PRMT8: variants seen among roughly 807,000 people sequenced by gnomAD.
PRMT8 encodes the protein protein arginine N-methyltransferase 8.
In PRMT8, 7 loss-of-function variants were observed where a neutral mutation model predicts 47.1. The observed-to-expected ratio is 0.15, with a 90% CI of 0.08 to 0.28. The LOEUF is 0.28. Among genes scored for constraint, PRMT8 ranks in the 10% least tolerant of loss-of-function variants. PRMT8 has a pLI of 1.00. For missense variants in PRMT8, 237 were observed against 505.4 expected (o/e 0.47, Z 5.09); for synonymous variants, 188 against 186.5 (o/e 1.01, Z -0.07).
intron 3 of PRMT8, chr12:3,551,248 GC>G (rs1438399113): frequency 2.0e-5 from 3 of 152,278 alleles, no homozygotes; most frequent in East Asian, 3.9e-4. Context: ...GGAAGCTTGG[GC>G]TGCCCTCAAG....
In PRMT8 at chr12:3,569,024, G is replaced by A. The variant is rs1044267270; in HGVS notation, c.624+176G>A. Among the ~76,000 whole-genome samples the A allele has an allele frequency of 5.9e-5, 9 of 152,082 alleles. No individual in the cohort carries two copies. The highest frequency in any genetic ancestry group is 1.9e-4 in the East Asian group (1 of 5,190). ...TATCAGGGAACAGAATGGTTGCCCC[G>A]GGTCCAGCATGTGTAACCATCAGAG... On this transcript the variant is annotated intron_variant, in intron 5 of 9. Transcript: ENST00000382622. The surrounding 1 kb of genome is among the most constrained non-coding windows in gnomAD (Gnocchi z 8.2).
At chr12:3,428,357 C>T (rs1349669600) in intron 1 of PRMT8, among the ~76,000 whole-genome samples, 2 of 151,572 alleles carry the variant, frequency 1.3e-5, no homozygotes, top group Admixed American at 1.3e-4. Context: ...AACTGGTGAG[C>T]TGTGCTGACA....
At chr12:3,452,353 C>T (rs558180583) in intron 1 of PRMT8, among the ~76,000 whole-genome samples, 1 of 152,124 alleles carries the variant, frequency 6.6e-6, no homozygotes, top group South Asian at 2.1e-4. Context: ...ACACACACCC[C>T]ACAAGGAGAC....
At chr12:3,473,253 GGCTGAAATCCCT>G (rs1409604557) in intron 1 of PRMT8, among the ~76,000 whole-genome samples, 2 of 151,904 alleles carry the variant, frequency 1.3e-5, no homozygotes, top group African/African-American at 4.8e-5. Flanking sequence ...CAACCCCTTG[GGCTGAAATCCCT>G]GCTGACCTTT....
chr12:3,460,178 G>A (rs1251233872), intron 1 of PRMT8, among the ~76,000 whole-genome samples: 1 of 152,144 alleles, frequency 6.6e-6, no homozygotes, highest in Non-Finnish European at 1.5e-5. Flanking sequence ...GCTTACCCCA[G>A]TTCTCAGACC....
chr12:3,488,790 T>C (rs114211182), upstream of PRMT8, among the ~76,000 whole-genome samples: 1,211 of 152,342 alleles, frequency 7.9e-3, 14 homozygotes, highest in African/African-American at 0.027. Flanking sequence ...AAAATAGTTC[T>C]ACAAAGTACC....
intron 1 of PRMT8, among the ~76,000 whole-genome samples, chr12:3,434,620 C>T (rs56102196): frequency 0.016 from 2,380 of 152,198 alleles, 37 homozygotes; most frequent in Middle Eastern, 0.02. Flanking sequence ...CAGAAGGAGC[C>T]CCCCAGAAAA....
chr12:3,565,081 C>T (rs1307449881), intron 4 of PRMT8, among the ~76,000 whole-genome samples: 1 of 152,072 alleles, frequency 6.6e-6, no homozygotes, highest in African/African-American at 2.4e-5. Flanking sequence ...ATAAAAGGAC[C>T]CAGGAAGTGT....
intron 1 of PRMT8, among the ~76,000 whole-genome samples, chr12:3,395,799 G>A (rs1255370684): frequency 3.3e-5 from 5 of 151,782 alleles, no homozygotes; most frequent in African/African-American, 1.2e-4. Context: ...TCTGTCTAAT[G>A]TTGACAGTGG....
intron 1 of PRMT8, among the ~76,000 whole-genome samples, chr12:3,520,044 G>A (rs750934437): frequency 4.6e-5 from 7 of 152,122 alleles, no homozygotes; most frequent in East Asian, 1.9e-4. Flanking sequence ...AAAGTCTGCC[G>A]AGACGCTTTG....
In PRMT8 at chr12:3,569,379, G is replaced by C; in HGVS notation, c.625-98G>C. On this transcript the variant is annotated intron_variant, in intron 5 of 9. Transcript: ENST00000382622. This position sits in a 1 kb window ranked among gnomAD's most constrained non-coding sequence, Gnocchi z 8.2. ...TCCACTGCATGAGAGATGGTGGCAA[G>C]GGGGTGCTTGTCTGGTGACTCTATG... 2.0e-6 allele frequency: 2 copies of C among 983,472 alleles called. No homozygotes were observed. Among genetic ancestry groups the C allele is most frequent in the South Asian group, 1.3e-5 (1 of 76,680 alleles). The allele number at this position is 983,472 out of a possible 1,614,324, so 60.9% of individuals were successfully genotyped here.
intron 1 of PRMT8, among the ~76,000 whole-genome samples, chr12:3,382,897 T>C (rs998032379): frequency 6.6e-5 from 10 of 152,312 alleles, no homozygotes; most frequent in Non-Finnish European, 1.0e-4. Context: ...CATGTAGGAC[T>C]TAGGGGAAGG....
rs562286343 is a variant in PRMT8 at position 3,506,180 on chromosome 12, C to A, written c.75+14480C>A. 4.6e-5 allele frequency among the ~76,000 whole-genome samples: 7 copies of A among 152,322 alleles called. No homozygotes were observed. In the South Asian group the frequency reaches 1.5e-3, roughly 32 times the overall value. ...ACTGCAGTTATCTGTGTGTGGGATT[C>A]ATCCTCTATGATATGTATGGGTAGT... On this transcript the variant is annotated intron_variant, in intron 1 of 9. Coordinates refer to ENST00000382622, the MANE Select transcript of PRMT8 (RefSeq NM_019854.5).
intron 3 of PRMT8, chr12:3,551,226 C>G (rs80208533): frequency 6.6e-6 from 1 of 152,244 alleles, no homozygotes; most frequent in Non-Finnish European, 1.5e-5. Flanking sequence ...CCATGGCTGC[C>G]GAGGGTCTTC....
At chr12:3,539,128 A>G (rs1185075566) in intron 1 of PRMT8, among the ~76,000 whole-genome samples, 1 of 152,218 alleles carries the variant, frequency 6.6e-6, no homozygotes, top group Non-Finnish European at 1.5e-5. Flanking sequence ...CAGCTCACAG[A>G]CAAGAAAATC....
At chr12:3,401,169 AGAT>A (rs1864312424) in intron 1 of PRMT8, among the ~76,000 whole-genome samples, 3 of 150,282 alleles carry the variant, frequency 2.0e-5, no homozygotes, top group Non-Finnish European at 3.0e-5. Context: ...AAAAAAAAAA[AGAT>A]AGGCAAATCA....
intron 1 of PRMT8, among the ~76,000 whole-genome samples, chr12:3,413,346 C>T (rs1864451357): frequency 6.6e-6 from 1 of 152,194 alleles, no homozygotes; most frequent in African/African-American, 2.4e-5. Flanking sequence ...GAGGCCTCCC[C>T]AGCCATGTGG....
chr12:3,449,501 T>C (rs914985983), intron 1 of PRMT8, among the ~76,000 whole-genome samples: 3 of 152,362 alleles, frequency 2.0e-5, no homozygotes, highest in Admixed American at 6.5e-5. Context: ...TGTTGAGCTT[T>C]TTTTCATATG....
chr12:3,485,112 G>A (rs1019752581), intron 1 of PRMT8, among the ~76,000 whole-genome samples: 1 of 152,126 alleles, frequency 6.6e-6, no homozygotes, highest in African/African-American at 2.4e-5. Context: ...AAGTTTTTCG[G>A]ATCACAGTAC....
Sources: allele counts gnomAD v4.1 joint callset (sites outside exome capture counted in the v4.1 genomes callset), GRCh38; gene constraint gnomAD v4.1.1; non-coding constraint Gnocchi (gnomAD v3.1); transcripts MANE v1.5; gene names NCBI Gene and HGNC (gene_info 2026-07-23, HGNC 2026-07-21).